Variants in VPS41 observed in about 807,000 individuals in gnomAD.
VPS41 encodes the protein vacuolar protein sorting-associated protein 41 homolog.
A neutral mutation model predicts 130.9 loss-of-function variants in VPS41; 85 were observed. The observed-to-expected ratio is 0.65, with a 90% CI of 0.55 to 0.78. The LOEUF (loss-of-function observed/expected upper bound fraction) is 0.78, where lower values mean the gene tolerates loss of function less well. VPS41 is among the 30% of genes least tolerant of loss of function. The pLI is 0.00. For missense variants in VPS41, 874 were observed against 1,018.7 expected (o/e 0.86, Z 1.93); for synonymous variants, 335 against 332.9 (o/e 1.01, Z -0.07).
intron 7 of VPS41, among the ~76,000 whole-genome samples, chr7:38,815,482 G>A (rs1051691328): frequency 6.6e-6 from 1 of 152,076 alleles, no homozygotes; most frequent in Admixed American, 6.5e-5. Flanking sequence ...AGAACACCTG[G>A]GTTTAAATTT....
At chr7:38,905,061 G>A (rs182357441) in intron 1 of VPS41, among the ~76,000 whole-genome samples, 7 of 152,146 alleles carry the variant, frequency 4.6e-5, no homozygotes, top group Admixed American at 2.6e-4. Context: ...ATAATTTCAC[G>A]CAAATCCTAC....
intron 2 of VPS41, 25 bp from the exon 3 acceptor site, chr7:38,869,278 A>T: frequency 6.6e-7 from 1 of 1,515,010 alleles, no homozygotes; most frequent in Non-Finnish European, 9.1e-7. Flanking sequence ...AAGAAAAATG[A>T]CACCCGTCAG....
chr7:38,754,249 T>C (rs1783743372), intron 21 of VPS41, among the ~76,000 whole-genome samples: 1 of 152,208 alleles, frequency 6.6e-6, no homozygotes, highest in African/African-American at 2.4e-5. Flanking sequence ...TTGTCTGACA[T>C]TTCCTTAGCA....
chr7:38,906,008 C>G (rs1318680278), intron 1 of VPS41, among the ~76,000 whole-genome samples: 3 of 151,942 alleles, frequency 2.0e-5, no homozygotes, highest in Non-Finnish European at 2.9e-5. Context: ...GTTGGCCCGT[C>G]TGGTCTCGAA....
intron 2 of VPS41, among the ~76,000 whole-genome samples, chr7:38,869,746 T>C (rs1786309297): frequency 6.6e-6 from 1 of 151,946 alleles, no homozygotes; most frequent in Non-Finnish European, 1.5e-5. Flanking sequence ...AAAACAGAAG[T>C]TCATAAAAAT....
At chr7:38,825,859 T>C (rs1036712790) in intron 5 of VPS41, among the ~76,000 whole-genome samples, 7 of 152,186 alleles carry the variant, frequency 4.6e-5, no homozygotes, top group Non-Finnish European at 7.4e-5. Context: ...TGAAACTCTA[T>C]GTATTTGCCA....
chr7:38,728,806 T>G lies in VPS41; in HGVS notation c.2260-15A>C. The G allele has an allele frequency of 6.2e-7, 1 of 1,612,588 alleles. No individual in the cohort carries two copies. The highest frequency in any genetic ancestry group is 8.5e-7 in the Non-Finnish European group (1 of 1,178,754). Reference sequence around the variant, plus strand: ...CGAAGCAGAATCTAATGCATACATTTTAAAAGAAAAGCCATCTTAAGTAGA... The same window carrying G: ...CGAAGCAGAATCTAATGCATACATTGTAAAAGAAAAGCCATCTTAAGTAGA... On this transcript the variant is annotated splice_polypyrimidine_tract_variant and intron_variant, in intron 25 of 28. Coordinates refer to ENST00000310301, the MANE Select transcript of VPS41 (RefSeq NM_014396.4).
At position 38,728,565 on chromosome 7, in the gene VPS41, C is replaced by T. The variant is rs1795594531; in HGVS notation, c.2381G>A (p.Cys794Tyr). Reference protein sequence around the residue: ...LVDEENICESCLSPILPSDAA... With the variant: ...LVDEENICESYLSPILPSDAA... ...ACCTGATGGAAGAATAGGGGAAAGG[C>T]ACGACTCACAGATGTTCTCCTCTGT... The change falls in exon 27 of 29, where the codon TGC becomes TAC. Residue 794 changes from cysteine (C) to tyrosine (Y), a missense_variant. Transcript: ENST00000310301. 1 of 1,613,984 alleles carries T rather than the reference C, an allele frequency of 6.2e-7. No individual in the cohort carries two copies. The highest frequency in any genetic ancestry group is 1.3e-5 in the African/African-American group (1 of 74,888).
intron 7 of VPS41, among the ~76,000 whole-genome samples, chr7:38,800,770 A>G (rs1784710220): frequency 6.6e-6 from 1 of 152,196 alleles, no homozygotes; most frequent in African/African-American, 2.4e-5. Flanking sequence ...TAGGAGGAGG[A>G]GGTTGCAGTG....
chr7:38,898,857 C>A (rs973828260), intron 1 of VPS41, among the ~76,000 whole-genome samples: 3 of 152,154 alleles, frequency 2.0e-5, no homozygotes, highest in Non-Finnish European at 4.4e-5. Context: ...ATTTACTTAA[C>A]GTACTTATAG....
chr7:38,893,521 T>C (rs575784074), intron 2 of VPS41, among the ~76,000 whole-genome samples: 9 of 152,392 alleles, frequency 5.9e-5, no homozygotes, highest in East Asian at 5.8e-4. Context: ...TTCTTTGTTA[T>C]GCTCTTCAAA....
chr7:38,742,210 G>A (rs1002635355), intron 24 of VPS41, 89 bp from the exon 25 acceptor site: 26 of 1,282,964 alleles, frequency 2.0e-5, no homozygotes, highest in Non-Finnish European at 2.7e-5. Context: ...TGCAATTTTA[G>A]ATCAAAAGTA....
chr7:38,896,334 T>C (rs527846299), intron 2 of VPS41, among the ~76,000 whole-genome samples: 2 of 152,316 alleles, frequency 1.3e-5, no homozygotes, highest in East Asian at 3.9e-4. Context: ...AAATATACCC[T>C]ATCTATAAGC....
At chr7:38,732,659 G>A (rs1795689110) in intron 25 of VPS41, among the ~76,000 whole-genome samples, 2 of 151,870 alleles carry the variant, frequency 1.3e-5, no homozygotes. Context: ...TATTATTTTT[G>A]CATTTGTGTT....
At chr7:38,777,295 ATTACT>A (rs1320361233) in intron 10 of VPS41, among the ~76,000 whole-genome samples, 2 of 152,198 alleles carry the variant, frequency 1.3e-5, no homozygotes, top group South Asian at 2.1e-4. Flanking sequence ...ATAAATACAG[ATTACT>A]TTATGATGAA....
chr7:38,810,797 CT>C (rs1330826750), intron 7 of VPS41, among the ~76,000 whole-genome samples: 8 of 152,128 alleles, frequency 5.3e-5, no homozygotes, highest in Non-Finnish European at 8.8e-5. Context: ...TCTTTTCCCC[CT>C]ATGTGATCTG....
chr7:38,805,918 G>A (rs537004853), intron 7 of VPS41, among the ~76,000 whole-genome samples: 1 of 152,292 alleles, frequency 6.6e-6, no homozygotes, highest in East Asian at 1.9e-4. Context: ...AATAATTTGT[G>A]CTCAAACTGA....
chr7:38,768,829 T>C (rs1345762767), intron 14 of VPS41, among the ~76,000 whole-genome samples: 1 of 152,106 alleles, frequency 6.6e-6, no homozygotes, highest in Non-Finnish European at 1.5e-5. Context: ...ACCTTTTATG[T>C]CAACTCTATT....
chr7:38,895,915 T>C (rs1211405416), intron 2 of VPS41, among the ~76,000 whole-genome samples: 1 of 152,214 alleles, frequency 6.6e-6, no homozygotes, highest in Non-Finnish European at 1.5e-5. Flanking sequence ...ATGTGCATTC[T>C]GCCTCGGCTG....
Sources: gnomAD v4.1 joint callset for allele counts (sites outside exome capture counted in the v4.1 genomes callset) on GRCh38, gnomAD v4.1.1 for gene constraint, MANE v1.5 for transcripts, NCBI Gene and HGNC (gene_info 2026-07-23, HGNC 2026-07-21) for gene names.